Variants in TMEM132C observed in about 807,000 individuals in gnomAD.
The protein encoded by TMEM132C is transmembrane protein 132C.
TMEM132C carries 29 observed loss-of-function variants against 61.4 expected under a neutral mutation model. That is an observed-to-expected ratio of 0.47 (90% confidence interval 0.35 to 0.64). The LOEUF is 0.64. TMEM132C is among the 30% of genes least tolerant of loss of function. The probability of loss-of-function intolerance (pLI) is 0.00; values close to 1 mark genes in which losing one functional copy is unlikely to be tolerated. For missense variants in TMEM132C, 1,408 were observed against 1,476.9 expected, an observed-to-expected ratio of 0.95 and a Z score of 0.76; for synonymous variants, 656 against 633.1, an observed-to-expected ratio of 1.04 and a Z score of -0.54.
intron 3 of TMEM132C, among the ~76,000 whole-genome samples, chr12:128,548,666 T>TA (rs1216428503): frequency 6.6e-6 from 1 of 152,290 alleles, no homozygotes; most frequent in African/African-American, 2.4e-5. Flanking sequence ...TCATGCCACA[T>TA]AAAAAAACCA....
chr12:128,455,143 T>G (rs1178665281), intron 2 of TMEM132C, among the ~76,000 whole-genome samples: 20 of 152,186 alleles, frequency 1.3e-4, no homozygotes. Context: ...TCAAGAAAAA[T>G]CTGAATTTTT....
At chr12:128,610,626 A>G (rs1262635273) in intron 3 of TMEM132C, among the ~76,000 whole-genome samples, 1 of 152,212 alleles carries the variant, frequency 6.6e-6, no homozygotes, top group African/African-American at 2.4e-5. Context: ...CTCCAACAAC[A>G]TCACAAGCCC....
At chr12:128,634,402 A>C (rs1416075528) in intron 4 of TMEM132C, among the ~76,000 whole-genome samples, 1 of 152,222 alleles carries the variant, frequency 6.6e-6, no homozygotes, top group African/African-American at 2.4e-5. Flanking sequence ...ATGAAACCAA[A>C]AAGTAAGGAG....
intron 1 of TMEM132C, among the ~76,000 whole-genome samples, chr12:128,399,650 A>G (rs1043569972): frequency 3.9e-5 from 6 of 152,200 alleles, no homozygotes; most frequent in African/African-American, 1.2e-4. Context: ...AGAAACACTA[A>G]GAAAGTTCTC....
In TMEM132C at chr12:128,695,928, T is replaced by A. The variant is rs1954758802; in HGVS notation, c.1754T>A (p.Phe585Tyr). Residue 585 changes from phenylalanine (F) to tyrosine (Y), a missense_variant, in exon 7 of 9, where the codon TTT becomes TAT. Physicochemically the swap from Phe to Tyr is conservative, Grantham distance 22. Transcript: ENST00000435159. ...GCCACCGTGCGGGTCCTCACCCAGT[T>A]TGTGTCTGAGGGCGCCGGTCCATGG... ...QHATVRVLTQ[F>Y]VSEGAGPWGQ... 1 of 1,551,708 alleles carries A rather than the reference T, an allele frequency of 6.4e-7. No homozygotes were observed. Among genetic ancestry groups the A allele is most frequent in the South Asian group, 1.2e-5 (1 of 84,046 alleles).
rs752979852 is a variant in TMEM132C, at chr12:128,624,543, C to CAAA, written c.1305+8230_1305+8232dup. Among the ~76,000 whole-genome samples the CAAA allele has an allele frequency of 2.9e-3, 94 of 32,834 alleles. 1 individual carries two copies. The highest frequency in any genetic ancestry group is 9.2e-3 in the African/African-American group (81 of 8,846). The allele number at this position is 32,834 out of a possible 152,430, so 21.5% of individuals were successfully genotyped here. On this transcript the variant is annotated intron_variant, in intron 4 of 8. Coordinates refer to ENST00000435159, the MANE Select transcript of TMEM132C (RefSeq NM_001136103.3). ...TGGGTGATAGAGTGAGACTCCATCT[C>CAAA]AAAAAAAAAAAAAAAAAAAAAAAAG...
chr12:128,316,746 T>C (rs1872167092), intron 1 of TMEM132C, among the ~76,000 whole-genome samples: 1 of 152,156 alleles, frequency 6.6e-6, no homozygotes, highest in South Asian at 2.1e-4. Flanking sequence ...CTCAAGTTAA[T>C]TTTTTTGTCT....
intron 2 of TMEM132C, among the ~76,000 whole-genome samples, chr12:128,524,300 G>A (rs1460205900): frequency 6.6e-6 from 1 of 152,172 alleles, no homozygotes; most frequent in Non-Finnish European, 1.5e-5. Context: ...TTGGGAGTGT[G>A]CATTCAAAAC....
At chr12:128,682,372 GC>G in intron 5 of TMEM132C, among the ~76,000 whole-genome samples, 1 of 152,342 alleles carries the variant, frequency 6.6e-6, no homozygotes, top group South Asian at 2.1e-4. Flanking sequence ...TAGGGGAATA[GC>G]CCATGTCAGC....
At position 128,559,223 on chromosome 12, in the gene TMEM132C, AT is replaced by A. The variant is rs369440715; in HGVS notation, c.1121+15128del. Reference sequence around the variant, plus strand: ...TCCTCTCCCACTGCAACTTCAAACAATTTTTTTTATCTAACAATATATCTTG... The same window carrying A: ...TCCTCTCCCACTGCAACTTCAAACAATTTTTTTATCTAACAATATATCTTG... On this transcript the variant is annotated intron_variant, in intron 3 of 8. Coordinates refer to ENST00000435159, the MANE Select transcript of TMEM132C (RefSeq NM_001136103.3). Among the ~76,000 whole-genome samples, 1,076 of 151,860 alleles carry A rather than the reference AT, an allele frequency of 7.1e-3. 21 individuals are homozygous for A. Among genetic ancestry groups the A allele is most frequent in the African/African-American group, 0.024 (1,012 of 41,404 alleles).
chr12:128,403,974 G>A (rs1875252494), intron 1 of TMEM132C, among the ~76,000 whole-genome samples: 1 of 152,112 alleles, frequency 6.6e-6, no homozygotes, highest in Non-Finnish European at 1.5e-5. Context: ...ATTATTTGTG[G>A]TGGGGGCACT....
At chr12:128,389,607 G>A (rs1874699921) in intron 1 of TMEM132C, among the ~76,000 whole-genome samples, 1 of 152,172 alleles carries the variant, frequency 6.6e-6, no homozygotes, top group Non-Finnish European at 1.5e-5. Context: ...TGTTGATCAT[G>A]GAGGGAGCAC....
chr12:128,277,668 C>T (rs968102069), intron 1 of TMEM132C, among the ~76,000 whole-genome samples: 2 of 152,152 alleles, frequency 1.3e-5, no homozygotes, highest in East Asian at 1.9e-4. Context: ...AATGACTGCC[C>T]AGCAGGCAAA....
intron 3 of TMEM132C, among the ~76,000 whole-genome samples, chr12:128,615,919 T>A (rs1264972213): frequency 6.6e-6 from 1 of 152,226 alleles, no homozygotes; most frequent in Non-Finnish European, 1.5e-5. Context: ...AGACACAGGT[T>A]ACTGCTCATT....
intron 2 of TMEM132C, among the ~76,000 whole-genome samples, chr12:128,455,987 C>T (rs1381592386): frequency 6.6e-6 from 1 of 152,194 alleles, no homozygotes; most frequent in Non-Finnish European, 1.5e-5. Context: ...TGGAAGCTCA[C>T]GTTTCTACTA....
At chr12:128,363,621 C>T (rs577798282) in intron 1 of TMEM132C, among the ~76,000 whole-genome samples, 26 of 151,962 alleles carry the variant, frequency 1.7e-4, no homozygotes, top group South Asian at 6.2e-4. Flanking sequence ...GCTGAGGGGG[C>T]GGATCACGAG....
In TMEM132C at chr12:128,362,204, A is replaced by G. The variant is rs569831255; in HGVS notation, c.86-52528A>G. ...CTGGTGCCTTTCCCAAAGGCAAAAT[A>G]TAAAAACCTCACAATAGACAGTGAG... On this transcript the variant is annotated intron_variant, in intron 1 of 8. Coordinates refer to ENST00000435159, the MANE Select transcript of TMEM132C (RefSeq NM_001136103.3). Among the ~76,000 whole-genome samples, 6 of 152,166 alleles carry G rather than the reference A, an allele frequency of 3.9e-5. No homozygotes were observed. The South Asian group carries it at 1.2e-3, about 32-fold the overall frequency.
chr12:128,417,160 G>A (rs1228121520), intron 2 of TMEM132C, among the ~76,000 whole-genome samples: 1 of 152,048 alleles, frequency 6.6e-6, no homozygotes, highest in Non-Finnish European at 1.5e-5. Flanking sequence ...TTTAATTTTT[G>A]GTAAGTCCTC....
At chr12:128,690,024 T>C (rs1043456506) in intron 5 of TMEM132C, among the ~76,000 whole-genome samples, 3 of 152,154 alleles carry the variant, frequency 2.0e-5, no homozygotes, top group Non-Finnish European at 2.9e-5. Flanking sequence ...CCCCAGGCTC[T>C]TCCTAGGAGG....
Sources: gnomAD v4.1 joint callset for allele counts (sites outside exome capture counted in the v4.1 genomes callset) on GRCh38, gnomAD v4.1.1 for gene constraint, MANE v1.5 for transcripts, NCBI Gene and HGNC (gene_info 2026-07-23, HGNC 2026-07-21) for gene names.